Variants in GRK3 observed in about 807,000 individuals in gnomAD.
GRK3 encodes G protein-coupled receptor kinase 3.
In GRK3, 54 loss-of-function variants were observed where a neutral mutation model predicts 95.7. That is an observed-to-expected ratio of 0.56 (90% CI 0.45 to 0.71). GRK3 has a LOEUF of 0.71. GRK3 is among the 30% of genes least tolerant of loss of function. The pLI is 0.00. For synonymous variants in GRK3, 281 were observed against 290.8 expected, an observed-to-expected ratio of 0.97 and a Z score of 0.34; for missense variants, 649 against 851.2, an observed-to-expected ratio of 0.76 and a Z score of 2.96.
intron 1 of GRK3, among the ~76,000 whole-genome samples, chr22:25,586,887 G>A (rs1013658012): frequency 6.6e-6 from 1 of 150,568 alleles, no homozygotes; most frequent in African/African-American, 2.5e-5. Context: ...AAAGCGAGAG[G>A]CCCTTGCAAT....
Position 25,719,283 on chromosome 22 carries a change from A to T in GRK3, c.1791+902A>T, listed in dbSNP as rs898505188. On this transcript the variant is annotated intron_variant, in intron 19 of 20. Coordinates refer to ENST00000324198, the MANE Select transcript of GRK3 (RefSeq NM_005160.4). ...GAGGAAAGCAGGCTTAGAAGAGGAA[A>T]GTCTGCCACCCAAAAACACAACTGG... Among the ~76,000 whole-genome samples, 3 of 152,212 alleles carry T rather than the reference A, an allele frequency of 2.0e-5. No individual in the cohort carries two copies. In the East Asian group the frequency reaches 5.8e-4, roughly 29 times the overall value.
chr22:25,635,839 A>G (rs943301550), intron 2 of GRK3, among the ~76,000 whole-genome samples: 9 of 152,224 alleles, frequency 5.9e-5, no homozygotes, highest in African/African-American at 1.9e-4. Context: ...CTTATCCACT[A>G]GTTTTGGCAC....
intron 2 of GRK3, among the ~76,000 whole-genome samples, chr22:25,612,988 C>T (rs2084510480): frequency 6.6e-6 from 1 of 151,944 alleles, no homozygotes; most frequent in Admixed American, 6.6e-5. Flanking sequence ...ATTTTAGGAT[C>T]ACTTTTTTGT....
chr22:25,695,480 G>A (rs962786162), intron 13 of GRK3, among the ~76,000 whole-genome samples: 4 of 152,058 alleles, frequency 2.6e-5, no homozygotes, highest in Admixed American at 1.3e-4. Flanking sequence ...AGACTGCTTC[G>A]AATTTTTTTC....
At chr22:25,616,701 A>G (rs1358230320) in intron 2 of GRK3, among the ~76,000 whole-genome samples, 6 of 152,168 alleles carry the variant, frequency 3.9e-5, no homozygotes, top group African/African-American at 1.4e-4. Flanking sequence ...TTTTGAAGAT[A>G]GAGTCAATAG....
chr22:25,654,915 A>C (rs2084859184), intron 3 of GRK3, among the ~76,000 whole-genome samples: 1 of 152,066 alleles, frequency 6.6e-6, no homozygotes, highest in Non-Finnish European at 1.5e-5. Flanking sequence ...ATCCCCTTGG[A>C]GGATGCTGCA....
At chr22:25,720,467 CTTT>C (rs963248407) in intron 19 of GRK3, among the ~76,000 whole-genome samples, 3 of 102,572 alleles carry the variant, frequency 2.9e-5, no homozygotes, top group African/African-American at 7.7e-5. Flanking sequence ...ATACTATAGA[CTTT>C]TTTTTTTTTT....
At chr22:25,661,711 C>T (rs764997654) in intron 4 of GRK3, 34 bp downstream of exon 4, 3 of 1,330,606 alleles carry the variant, frequency 2.3e-6, no homozygotes, top group Non-Finnish European at 3.2e-6. Flanking sequence ...TACTTTAGTA[C>T]TGATGAATAA....
intron 2 of GRK3, among the ~76,000 whole-genome samples, chr22:25,629,057 T>C (rs1175024639): frequency 6.6e-6 from 1 of 152,190 alleles, no homozygotes; most frequent in African/African-American, 2.4e-5. Context: ...TTGAACTATA[T>C]TATTCATTTA....
chr22:25,596,190 C>T (rs1204887157), intron 1 of GRK3, among the ~76,000 whole-genome samples: 1 of 152,124 alleles, frequency 6.6e-6, no homozygotes, highest in East Asian at 1.9e-4. Flanking sequence ...TGGAACACTT[C>T]TTCAAGAGTA....
chr22:25,654,596 G>A (rs2084857010), intron 3 of GRK3, among the ~76,000 whole-genome samples: 1 of 152,180 alleles, frequency 6.6e-6, no homozygotes, highest in African/African-American at 2.4e-5. Context: ...ACGTATCCCA[G>A]CTTGATCTGT....
At position 25,728,879 on chromosome 22, in the gene GRK3, A is replaced by G. The variant is rs937628237; in HGVS notation, c.*6429A>G. 6.6e-6 allele frequency: 1 copy of G among 152,096 alleles called. No homozygotes were observed. The highest frequency in any genetic ancestry group is 2.4e-5 in the African/African-American group (1 of 41,420). The allele number at this position is 152,096 out of a possible 1,614,324, so 9.4% of individuals were successfully genotyped here. A position where few individuals can be genotyped will look rare whatever the true frequency, so the allele number is the denominator to read the frequency against. On this transcript the variant is annotated 3_prime_UTR_variant, in exon 21 of 21. Transcript: ENST00000324198. ...TGTGAGAGAACGTGCCTCCTCACTC[A>G]TTTGTCTCTGTCTGTTTTCATAGCC...
At chr22:25,673,325 G>A (rs1248541474) in intron 7 of GRK3, among the ~76,000 whole-genome samples, 3 of 152,062 alleles carry the variant, frequency 2.0e-5, no homozygotes, top group Non-Finnish European at 4.4e-5. Context: ...GCCTCCCGAA[G>A]TGCTGGGATT....
chr22:25,606,172 T>C (rs949840180), intron 2 of GRK3, among the ~76,000 whole-genome samples: 6 of 152,246 alleles, frequency 3.9e-5, no homozygotes, highest in Non-Finnish European at 8.8e-5. Context: ...GAGAGCAGTC[T>C]CACTGGGCGC....
intron 1 of GRK3, among the ~76,000 whole-genome samples, chr22:25,575,552 A>G (rs746218324): frequency 6.6e-5 from 10 of 152,166 alleles, no homozygotes; most frequent in Non-Finnish European, 1.2e-4. Context: ...GTAGATGGTC[A>G]TTTATTTCGT....
intron 3 of GRK3, among the ~76,000 whole-genome samples, chr22:25,654,083 C>G (rs1009657344): frequency 6.6e-6 from 1 of 152,118 alleles, no homozygotes; most frequent in Non-Finnish European, 1.5e-5. Context: ...TTGCTTAGAG[C>G]ATGTTCTCTG....
chr22:25,677,627 C>T (rs2085042220), intron 8 of GRK3, among the ~76,000 whole-genome samples: 1 of 152,114 alleles, frequency 6.6e-6, no homozygotes, highest in African/African-American at 2.4e-5. Context: ...CAAATTTGAA[C>T]ATTTATCTTG....
At chr22:25,663,062 T>C (rs181901639) in intron 4 of GRK3, among the ~76,000 whole-genome samples, 2,154 of 152,264 alleles carry the variant, frequency 0.014, 48 homozygotes, top group African/African-American at 0.048. Flanking sequence ...GGAAATTTTA[T>C]CTTTTTACAA....
intron 2 of GRK3, among the ~76,000 whole-genome samples, chr22:25,626,281 G>T (rs79672251): frequency 4.3e-4 from 65 of 152,302 alleles, no homozygotes; most frequent in African/African-American, 1.5e-3. Flanking sequence ...TCTCCAAGTC[G>T]TCTTGCCGTA....
Sources: gnomAD v4.1 joint callset for allele counts (sites outside exome capture counted in the v4.1 genomes callset) on GRCh38, gnomAD v4.1.1 for gene constraint, MANE v1.5 for transcripts, NCBI Gene and HGNC (gene_info 2026-07-23, HGNC 2026-07-21) for gene names.